The following LRRIQ4 variants were observed in gnomAD, a reference collection of about 807,000 sequenced individuals.
The protein encoded by LRRIQ4 is leucine-rich repeat and IQ domain-containing protein 4.
LRRIQ4 carries 21 observed loss-of-function variants against 40.1 expected under a neutral mutation model. The observed-to-expected ratio is 0.52, with a 90% CI of 0.37 to 0.75. LRRIQ4 has a LOEUF of 0.75. LRRIQ4 is among the 30% of genes least tolerant of loss of function. LRRIQ4 has a pLI of 0.00. For missense variants in LRRIQ4, 655 were observed against 660.0 expected (o/e 0.99, Z 0.08); for synonymous variants, 277 against 277.1 (o/e 1.00, Z 0.00).
chr3:169,825,820 T>G (rs2108270276), intron 2 of LRRIQ4, among the ~76,000 whole-genome samples: 1 of 152,316 alleles, frequency 6.6e-6, no homozygotes, highest in South Asian at 2.1e-4. Context: ...TGCTTTTTCC[T>G]CTTCAGTTAT....
chr3:169,831,378 ATTC>A (rs1298880916), intron 4 of LRRIQ4, among the ~76,000 whole-genome samples: 3 of 110,624 alleles, frequency 2.7e-5, no homozygotes, highest in African/African-American at 3.6e-5. Context: ...GGTTCACGCT[ATTC>A]TTCTGCCTCA....
intron 3 of LRRIQ4, 33 bp downstream of exon 3, chr3:169,828,965 A>T: frequency 1.3e-5 from 20 of 1,568,224 alleles, no homozygotes; most frequent in Non-Finnish European, 1.6e-5. Context: ...GCTAAGAAGC[A>T]CCTGTCACTG....
intron 3 of LRRIQ4, among the ~76,000 whole-genome samples, chr3:169,829,753 G>A (rs1315755758): frequency 1.3e-5 from 2 of 152,120 alleles, no homozygotes; most frequent in Admixed American, 6.5e-5. Context: ...CACCTGCCTC[G>A]GCCTCCCAAA....
chr3:169,818,065 C>A (rs1339890963), intron 1 of LRRIQ4, among the ~76,000 whole-genome samples: 1 of 152,190 alleles, frequency 6.6e-6, no homozygotes. Flanking sequence ...GACAATTCCC[C>A]TCTGGCTAGG....
intron 2 of LRRIQ4, among the ~76,000 whole-genome samples, chr3:169,823,597 C>T (rs139677731): frequency 0.016 from 2,380 of 152,248 alleles, 64 homozygotes; most frequent in African/African-American, 0.054. Context: ...CCGCCCGCCT[C>T]GGCCTCCCAA....
intron 3 of LRRIQ4, among the ~76,000 whole-genome samples, chr3:169,829,417 G>A (rs1466466839): frequency 6.6e-6 from 1 of 151,868 alleles, no homozygotes; most frequent in Non-Finnish European, 1.5e-5. Flanking sequence ...AGGAATACTT[G>A]CAAAGCAACA....
At position 169,836,701 on chromosome 3, in the gene LRRIQ4, A is replaced by G. The variant is rs546464309; in HGVS notation, c.1531-778A>G. 3.3e-4 allele frequency among the ~76,000 whole-genome samples: 51 copies of G among 152,330 alleles called. 1 individual carries two copies. In the South Asian group the frequency reaches 0.011, roughly 32 times the overall value. On this transcript the variant is annotated intron_variant, in intron 5 of 5. Coordinates refer to ENST00000340806, the MANE Select transcript of LRRIQ4 (RefSeq NM_001080460.3). ...CACAGTTCAGTCCGTAGCAATGACA[A>G]TCAAGCAAATCCTTGAAGCAGCGGA...
intron 2 of LRRIQ4, among the ~76,000 whole-genome samples, chr3:169,828,083 T>C (rs2108272165): frequency 6.6e-6 from 1 of 152,374 alleles, no homozygotes; most frequent in Non-Finnish European, 1.5e-5. Flanking sequence ...TGAAGAGTCA[T>C]ATCACTAAAT....
At chr3:169,832,248 T>C (rs993627788) in intron 4 of LRRIQ4, among the ~76,000 whole-genome samples, 3 of 151,906 alleles carry the variant, frequency 2.0e-5, no homozygotes, top group Non-Finnish European at 4.4e-5. Context: ...GGCAGGCAGA[T>C]CATGAGGTCA....
At chr3:169,817,083 A>C (rs1376362827) in intron 1 of LRRIQ4, among the ~76,000 whole-genome samples, 2 of 152,176 alleles carry the variant, frequency 1.3e-5, no homozygotes, top group Non-Finnish European at 2.9e-5. Context: ...TGCTATAAAC[A>C]TGCCTGTTAG....
At chr3:169,826,893 T>G (rs576957990) in intron 2 of LRRIQ4, among the ~76,000 whole-genome samples, 1 of 152,196 alleles carries the variant, frequency 6.6e-6, no homozygotes, top group South Asian at 2.1e-4. Flanking sequence ...TACAGCATTT[T>G]TAGGAAAATG....
chr3:169,821,942 A>C lies in LRRIQ4; in HGVS notation c.21A>C (p.Ser7=). The change falls in exon 2 of 6, where the codon TCA becomes TCC. Residue 7 remains serine, a synonymous_variant. Transcript: ENST00000340806. The part of the protein sequence containing the change: MSKDIK[S]VEHSPKIHQR... ...CAATAATGTCAAAAGACATAAAATC[A>C]GTAGAACATTCACCTAAAATTCATC... 7.4e-6 allele frequency: 11 copies of C among 1,482,752 alleles called. No homozygotes were observed. Among genetic ancestry groups the C allele is most frequent in the Non-Finnish European group, 8.9e-6 (10 of 1,118,940 alleles). The allele number at this position is 1,482,752 out of a possible 1,614,324, so 91.8% of individuals were successfully genotyped here.
intron 5 of LRRIQ4, among the ~76,000 whole-genome samples, chr3:169,834,286 C>T (rs1417230162): frequency 1.3e-5 from 2 of 152,112 alleles, no homozygotes; most frequent in Non-Finnish European, 2.9e-5. Flanking sequence ...CGCTTGAACC[C>T]AGGAGGCGGG....
chr3:169,836,340 C>A (rs975149865), intron 5 of LRRIQ4, among the ~76,000 whole-genome samples: 1 of 152,118 alleles, frequency 6.6e-6, no homozygotes, highest in Non-Finnish European at 1.5e-5. Context: ...ATAGAACAGG[C>A]GGCTTAAACA....
chr3:169,832,757 T>A (rs1780210218), intron 4 of LRRIQ4, among the ~76,000 whole-genome samples: 1 of 152,132 alleles, frequency 6.6e-6, no homozygotes, highest in Admixed American at 6.5e-5. Context: ...AACAAAACAT[T>A]TGGAATATCT....
In LRRIQ4 at chr3:169,832,977, A is replaced by G; in HGVS notation, c.1334-10A>G. 1.2e-6 allele frequency: 2 copies of G among 1,607,566 alleles called. No individual in the cohort carries two copies. The highest frequency in any genetic ancestry group is 1.7e-6 in the Non-Finnish European group (2 of 1,177,514). Reference sequence around the variant, plus strand: ...AAGATTGAACCACCATTACGAAAAAATCTTTTCAGCTTTGAAAGAATTACG... The same window carrying G: ...AAGATTGAACCACCATTACGAAAAAGTCTTTTCAGCTTTGAAAGAATTACG... On this transcript the variant is annotated splice_polypyrimidine_tract_variant and intron_variant, in intron 4 of 5. Transcript: ENST00000340806.
At chr3:169,828,153 T>G (rs1780082863) in intron 2 of LRRIQ4, among the ~76,000 whole-genome samples, 1 of 152,194 alleles carries the variant, frequency 6.6e-6, no homozygotes, top group Admixed American at 6.5e-5. Flanking sequence ...TACACATAAC[T>G]TTAGTATTTT....
chr3:169,822,505 T>C lies in LRRIQ4; in HGVS notation c.584T>C (p.Leu195Pro), dbSNP rs776083666. The change falls in exon 2 of 6, where the codon CTG becomes CCG. Residue 195 changes from leucine (L) to proline (P), a missense_variant. Leu to Pro is a moderately conservative substitution (Grantham distance 98, BLOSUM62 -3). Transcript: ENST00000340806. ...CTCTACACCCTGGAAATCATTGACC[T>C]GGACGAGAACAAAATAGGTGCCATC... ...CVLYTLEIIDLDENKIGAIPE... is the reference protein window; with the variant it reads ...CVLYTLEIIDPDENKIGAIPE... The C allele has an allele frequency of 1.2e-6, 2 of 1,613,910 alleles. No individual in the cohort carries two copies. Among genetic ancestry groups the C allele is most frequent in the African/African-American group, 1.3e-5 (1 of 74,928 alleles).
In LRRIQ4 at chr3:169,822,885, A is replaced by T; in HGVS notation, c.964A>T (p.Ile322Phe). Residue 322 changes from isoleucine to phenylalanine, a missense_variant, in exon 2 of 6, where the codon ATC becomes TTC. Transcript: ENST00000340806. ...QNHLHHCPLQICALKNLEVLG... is the reference protein window; with the variant it reads ...QNHLHHCPLQFCALKNLEVLG... ...CCATCTGCACCACTGCCCGCTGCAG[A>T]TCTGTGCACTGAAGAACCTTGAAGT... 1 of 1,593,996 alleles carries T rather than the reference A, an allele frequency of 6.3e-7. No homozygotes were observed. Among genetic ancestry groups the T allele is most frequent in the Non-Finnish European group, 8.5e-7 (1 of 1,171,820 alleles).
Sources: allele counts gnomAD v4.1 joint callset (sites outside exome capture counted in the v4.1 genomes callset), GRCh38; gene constraint gnomAD v4.1.1; transcripts MANE v1.5; gene names NCBI Gene and HGNC (gene_info 2026-07-23, HGNC 2026-07-21).